ITM2B: variants seen among roughly 807,000 people sequenced by gnomAD.
The protein encoded by ITM2B is integral membrane protein 2B.
ITM2B carries 11 observed loss-of-function variants against 27.8 expected under a neutral mutation model. That is an observed-to-expected ratio of 0.40 (90% confidence interval 0.25 to 0.66). The LOEUF (loss-of-function observed/expected upper bound fraction) is 0.66, where lower values mean the gene tolerates loss of function less well. Among genes scored for constraint, ITM2B ranks in the 30% least tolerant of loss-of-function variants. ITM2B has a pLI of 0.43. For synonymous variants in ITM2B, 114 were observed against 114.3 expected (o/e 1.00, Z 0.02); for missense variants, 296 against 328.9 (o/e 0.90, Z 0.77).
Position 48,264,452 on chromosome 13 carries a change from TGAATA to T in ITM2B, c.*3232_*3236del, listed in dbSNP as rs1490429485. ...GCAAATGAAAAGGCAAATGGATTAT[TGAATA>T]GAAAAGGTCTAGATTCTATGTTTGA... On this transcript the variant is annotated 3_prime_UTR_variant, in exon 6 of 6. Transcript: ENST00000647800. The T allele has an allele frequency of 6.6e-6, 1 of 152,174 alleles. No individual in the cohort carries two copies. Among genetic ancestry groups the T allele is most frequent in the Non-Finnish European group, 1.5e-5 (1 of 68,042 alleles). 9.4% of individuals were successfully genotyped at this position (152,174 alleles called of 1,614,324 possible). A position where few individuals can be genotyped will look rare whatever the true frequency, so the allele number is the denominator to read the frequency against.
chr13:48,241,100 C>G (rs1241966786), intron 1 of ITM2B, among the ~76,000 whole-genome samples: 1 of 152,226 alleles, frequency 6.6e-6, no homozygotes, highest in African/African-American at 2.4e-5. Flanking sequence ...AATAGAGCAT[C>G]AGTTGGTTTC....
At chr13:48,249,233 A>T (rs1165077204) in intron 1 of ITM2B, among the ~76,000 whole-genome samples, 1 of 152,174 alleles carries the variant, frequency 6.6e-6, no homozygotes, top group Non-Finnish European at 1.5e-5. Context: ...TTTGATAAAG[A>T]TGTGATCATA....
rs1281781597 is a variant in ITM2B, at chr13:48,258,804, C to T, written c.572C>T (p.Thr191Ile). The part of the protein sequence containing the change: ...LELLINIKAG[T>I]YLPQSYLIHE... ...ATTCTTTTCTGAATGTAGGCTGGAA[C>T]CTATTTGCCTCAGTCCTATCTGATT... The change falls in exon 5 of 6, where the codon ACC becomes ATC. Residue 191 changes from threonine (T) to isoleucine (I), a missense_variant. By Grantham distance (89) the Thr-to-Ile change is moderately conservative. Coordinates refer to ENST00000647800, the MANE Select transcript of ITM2B (RefSeq NM_021999.5). 6.2e-7 allele frequency: 1 copy of T among 1,613,516 alleles called. No homozygotes were observed. Among genetic ancestry groups the T allele is most frequent in the Non-Finnish European group, 8.5e-7 (1 of 1,179,506 alleles).
chr13:48,254,450 A>G (rs1242373145), intron 2 of ITM2B, among the ~76,000 whole-genome samples: 1 of 152,202 alleles, frequency 6.6e-6, no homozygotes, highest in Non-Finnish European at 1.5e-5. Flanking sequence ...ATAACATAGG[A>G]TGAAAGTTGT....
In ITM2B at chr13:48,263,399, A is replaced by C. The variant is rs541605279; in HGVS notation, c.*2175A>C. Reference sequence around the variant, plus strand: ...TTATTCATTCTAGGGCTGAATGAATAATGTGCCCTTTGAACCCTTGTGCCA... The same window carrying C: ...TTATTCATTCTAGGGCTGAATGAATCATGTGCCCTTTGAACCCTTGTGCCA... On this transcript the variant is annotated 3_prime_UTR_variant, in exon 6 of 6. Transcript: ENST00000647800. 6.6e-6 allele frequency: 1 copy of C among 152,244 alleles called. No individual in the cohort carries two copies. Among genetic ancestry groups the C allele is most frequent in the South Asian group, 2.1e-4 (1 of 4,822 alleles). The allele number at this position is 152,244 out of a possible 1,614,324, so 9.4% of individuals were successfully genotyped here. A position where few individuals can be genotyped will look rare whatever the true frequency, so the allele number is the denominator to read the frequency against.
In ITM2B at chr13:48,261,140, T is replaced by C; in HGVS notation, c.717T>C (p.Gly239=). The change falls in exon 6 of 6, where the codon GGT becomes GGC. Residue 239 remains glycine, a splice_region_variant and synonymous_variant. Coordinates refer to ENST00000647800, the MANE Select transcript of ITM2B (RefSeq NM_021999.5). The part of the protein sequence containing the change: ...YKLQRRETIK[G]IQKREASNCF... ...AAAACTTTTTTCCCTCTCCAACAGG[T>C]ATTCAGAAACGTGAAGCCAGCAATT... 6.2e-7 allele frequency: 1 copy of C among 1,610,084 alleles called. No individual in the cohort carries two copies. Among genetic ancestry groups the C allele is most frequent in the Non-Finnish European group, 8.5e-7 (1 of 1,177,092 alleles).
At chr13:48,245,801 G>A (rs1273404062) in intron 1 of ITM2B, among the ~76,000 whole-genome samples, 2 of 148,196 alleles carry the variant, frequency 1.3e-5, no homozygotes, top group South Asian at 2.1e-4. Context: ...TTTCGAGACA[G>A]AGTCTTTCTC....
chr13:48,258,418 C>A (rs895850413), intron 4 of ITM2B, among the ~76,000 whole-genome samples, 182 bp downstream of exon 4: 19 of 152,132 alleles, frequency 1.2e-4, no homozygotes, highest in African/African-American at 4.6e-4. Context: ...AAATAAATTT[C>A]TCAAATAATG....
chr13:48,254,524 A>G (rs2137992003), intron 2 of ITM2B, among the ~76,000 whole-genome samples: 1 of 152,310 alleles, frequency 6.6e-6, no homozygotes, highest in South Asian at 2.1e-4. Context: ...CTTGTGATTG[A>G]TTATAATTTA....
chr13:48,252,297 A>G (rs1056363801), intron 1 of ITM2B, among the ~76,000 whole-genome samples: 6 of 152,170 alleles, frequency 3.9e-5, no homozygotes, highest in Admixed American at 1.3e-4. Flanking sequence ...AACCAAATCT[A>G]TGTTCTAATA....
At chr13:48,255,003 G>A (rs1488340597) in intron 2 of ITM2B, 1 of 151,928 alleles carries the variant, frequency 6.6e-6, no homozygotes, top group Non-Finnish European at 1.5e-5. Flanking sequence ...AGCCTCCCAA[G>A]TAGCTGAGAT....
intron 2 of ITM2B, among the ~76,000 whole-genome samples, chr13:48,254,467 C>T (rs1008017560): frequency 8.5e-5 from 13 of 152,258 alleles, no homozygotes; most frequent in Admixed American, 2.0e-4. Context: ...TTGTTTATAA[C>T]TTTGAGTGTT....
rs749707917 is a variant in ITM2B, at chr13:48,256,186, G to A, written c.256G>A (p.Val86Met). The change falls in exon 3 of 6, where the codon GTG (valine) becomes ATG (methionine). Residue 86 changes from valine (V) to methionine (M), a missense_variant. By Grantham distance (21) the Val-to-Met change is conservative. Coordinates refer to ENST00000647800, the MANE Select transcript of ITM2B (RefSeq NM_021999.5). ...TTTAAACTCTCTATAGCCAGATGAC[G>A]TGTACTACTGTGGAATAAAGTACAT... is the stretch of plus-strand genomic sequence containing the variant. ...YKYFALQPDD[V>M]YYCGIKYIKD... The A allele has an allele frequency of 2.1e-5, 34 of 1,609,436 alleles. 1 individual carries two copies. The Middle Eastern group carries it at 2.8e-3, about 132-fold the overall frequency.
chr13:48,233,425 G>A lies in ITM2B; in HGVS notation c.65G>A (p.Ser22Asn), dbSNP rs1368700476. ...QKEAKKDEPK[S>N]GEEALIIPPD... ...GAGGCCAAGAAGGACGAGCCCAAGA[G>A]CGGCGAGGAGGCGCTCATCATCCCC... The change falls in exon 1 of 6, where the codon AGC (serine) becomes AAC (asparagine). Residue 22 changes from serine to asparagine, a missense_variant. Ser to Asn is a conservative substitution (Grantham distance 46). Coordinates refer to ENST00000647800, the MANE Select transcript of ITM2B (RefSeq NM_021999.5). 2 of 1,548,250 alleles carry A rather than the reference G, an allele frequency of 1.3e-6. No individual in the cohort carries two copies. Among genetic ancestry groups the A allele is most frequent in the East Asian group, 5.1e-5 (2 of 39,494 alleles).
intron 1 of ITM2B, among the ~76,000 whole-genome samples, chr13:48,248,142 A>G (rs1029527180): frequency 2.0e-5 from 3 of 152,182 alleles, no homozygotes; most frequent in African/African-American, 7.2e-5. Flanking sequence ...GAGAACCTGA[A>G]GTATATTTTA....
chr13:48,237,237 CA>C (rs1273776802), intron 1 of ITM2B, among the ~76,000 whole-genome samples: 7 of 152,184 alleles, frequency 4.6e-5, no homozygotes, highest in Non-Finnish European at 4.4e-5. Context: ...AACCAAAGTG[CA>C]TCTTATTACC....
intron 1 of ITM2B, among the ~76,000 whole-genome samples, chr13:48,250,915 C>T (rs1593393392): frequency 6.6e-6 from 1 of 152,142 alleles, no homozygotes; most frequent in Non-Finnish European, 1.5e-5. Flanking sequence ...TTTGGCTGAC[C>T]AAAGACTCTT....
rs1951862162 is a variant in ITM2B, at chr13:48,267,960, C to T, written c.*6736C>T. The T allele has an allele frequency of 6.6e-6, 1 of 152,186 alleles. No homozygotes were observed. The allele number at this position is 152,186 out of a possible 1,614,324, so 9.4% of individuals were successfully genotyped here. ...AAATGCATATATCTTAAGTGTTCAA[C>T]TCAGTGAGTTTTGACACTTTTCTTT... On this transcript the variant is annotated 3_prime_UTR_variant, in exon 6 of 6. Coordinates refer to ENST00000647800, the MANE Select transcript of ITM2B (RefSeq NM_021999.5).
At chr13:48,239,468 C>G (rs138837905) in intron 1 of ITM2B, among the ~76,000 whole-genome samples, 2 of 152,278 alleles carry the variant, frequency 1.3e-5, no homozygotes, top group African/African-American at 4.8e-5. Context: ...AATTCTGTCT[C>G]TACTAAAACA....
Sources: allele counts gnomAD v4.1 joint callset (sites outside exome capture counted in the v4.1 genomes callset), GRCh38; gene constraint gnomAD v4.1.1; transcripts MANE v1.5; gene names NCBI Gene and HGNC (gene_info 2026-07-23, HGNC 2026-07-21).